The following SCN9A variants were observed in gnomAD, a reference collection of about 807,000 sequenced individuals.
SCN9A encodes sodium voltage-gated channel alpha subunit 9.
Under a neutral mutation model 187.0 loss-of-function variants are expected in SCN9A, and 131 were observed. That is an observed-to-expected ratio of 0.70 (90% CI 0.61 to 0.81). The LOEUF (loss-of-function observed/expected upper bound fraction) is 0.81. Ranked by LOEUF, SCN9A falls within the 30% of genes least tolerant of loss-of-function variation. SCN9A has a pLI of 0.00. For synonymous variants in SCN9A, 809 were observed against 808.6 expected (o/e 1.00, Z -0.01); for missense variants, 2,252 against 2,396.6 (o/e 0.94, Z 1.26).
At chr2:166,342,696 T>C (rs914446950) in intron 1 of SCN9A, among the ~76,000 whole-genome samples, 1 of 152,200 alleles carries the variant, frequency 6.6e-6, no homozygotes, top group African/African-American at 2.4e-5. Context: ...GTGTAAAACA[T>C]ATGCATTTAA....
In SCN9A at chr2:166,280,508, A is replaced by T. The variant is rs200945460; in HGVS notation, c.2192T>A (p.Ile731Lys). The T allele has an allele frequency of 2.6e-4, 408 of 1,589,396 alleles. No individual in the cohort carries two copies. The highest frequency in any genetic ancestry group is 4.2e-4 in the Admixed American group (24 of 56,940). Residue 731 changes from isoleucine to lysine, a missense_variant, in exon 14 of 27, where the codon ATA (isoleucine) becomes AAA (lysine). Around this residue, in one of 7 missense-constraint regions of SCN9A, gnomAD observed 1,013 missense variants for 997.4 expected, o/e 1.02. Coordinates refer to ENST00000642356, the MANE Select transcript of SCN9A (RefSeq NM_001365536.1). ...AAAATAGATACACTTTTTGAATTTT[A>T]TCCAATATGGAGAGCAATTCCAGAT... Reference protein sequence around the residue: ...FLIWNCSPYWIKFKKCIYFIV... With the variant: ...FLIWNCSPYWKKFKKCIYFIV...
intron 1 of SCN9A, among the ~76,000 whole-genome samples, chr2:166,351,314 A>T (rs1384380306): frequency 6.6e-6 from 1 of 152,232 alleles, no homozygotes; most frequent in African/African-American, 2.4e-5. Flanking sequence ...TATGAACTGC[A>T]TACAACTTAT....
At chr2:166,355,674 GCAGTAA>G (rs1229170776) in intron 1 of SCN9A, among the ~76,000 whole-genome samples, 7 of 151,808 alleles carry the variant, frequency 4.6e-5, no homozygotes, top group Admixed American at 6.6e-5. Flanking sequence ...AAGGAATTAT[GCAGTAA>G]CTTTAACATT....
rs376529993 is a variant in SCN9A at position 166,370,741 on chromosome 2, G to A, written c.-51+4956C>T. Among the ~76,000 whole-genome samples, 14 of 151,200 alleles carry A rather than the reference G, an allele frequency of 9.3e-5. No homozygotes were observed. In the East Asian group the frequency reaches 1.4e-3, roughly 15 times the overall value. On this transcript the variant is annotated intron_variant, in intron 1 of 26. Coordinates refer to ENST00000642356, the MANE Select transcript of SCN9A (RefSeq NM_001365536.1). ...TTCCAATTATTTGTACTAATAGTTTGACCTAAAAGTGGAGTAAAATTTGCC... is the reference window on the plus strand; with the variant it reads ...TTCCAATTATTTGTACTAATAGTTTAACCTAAAAGTGGAGTAAAATTTGCC...
intron 21 of SCN9A, among the ~76,000 whole-genome samples, 192 bp from the exon 22 acceptor site, chr2:166,229,164 A>T (rs1694977332): frequency 6.6e-6 from 1 of 152,192 alleles, no homozygotes; most frequent in Admixed American, 6.5e-5. Context: ...GCAAGACAAA[A>T]TAAGACATGA....
intron 26 of SCN9A, among the ~76,000 whole-genome samples, chr2:166,201,967 G>C (rs1693558228): frequency 6.6e-6 from 1 of 151,380 alleles, no homozygotes; most frequent in African/African-American, 2.4e-5. Flanking sequence ...ATCCTTATTG[G>C]TTGTTTTTAA....
chr2:166,272,606 T>C lies in SCN9A; in HGVS notation c.3144A>G (p.Lys1048=), dbSNP rs996237456. Reference sequence around the variant, plus strand: ...CTTTTTCCTTGAGGAAATTGTGACCTTTGCTCATTTCAGCAAGTGTATGGT... The same window carrying C: ...CTTTTTCCTTGAGGAAATTGTGACCCTTGCTCATTTCAGCAAGTGTATGGT... ...ISNHTLAEMS[K]GHNFLKEKDK... Residue 1048 remains lysine (K), a synonymous_variant, in exon 17 of 27, where the codon AAA becomes AAG. Coordinates refer to ENST00000642356, the MANE Select transcript of SCN9A (RefSeq NM_001365536.1). 1 of 1,613,484 alleles carries C rather than the reference T, an allele frequency of 6.2e-7. No individual in the cohort carries two copies. Among genetic ancestry groups the C allele is most frequent in the Non-Finnish European group, 8.5e-7 (1 of 1,179,728 alleles).
intron 21 of SCN9A, among the ~76,000 whole-genome samples, chr2:166,231,548 CTTTT>C (rs57067738): frequency 2.0e-5 from 2 of 99,066 alleles, no homozygotes; most frequent in Non-Finnish European, 3.6e-5. Context: ...CAAGAATTTG[CTTTT>C]TTTTTTTTTT....
chr2:166,308,330 G>C (rs562989702), intron 2 of SCN9A, among the ~76,000 whole-genome samples: 1 of 152,044 alleles, frequency 6.6e-6, no homozygotes, highest in Non-Finnish European at 1.5e-5. Context: ...TAATCCCCAC[G>C]TCTCAGGGGA....
intron 24 of SCN9A, among the ~76,000 whole-genome samples, chr2:166,211,899 G>A (rs1694112299): frequency 6.6e-6 from 1 of 151,958 alleles, no homozygotes; most frequent in South Asian, 2.1e-4. Flanking sequence ...TTAACAAAAA[G>A]GCAATAGTAA....
intron 18 of SCN9A, among the ~76,000 whole-genome samples, chr2:166,247,174 A>T (rs1695827786): frequency 6.7e-6 from 1 of 150,046 alleles, no homozygotes; most frequent in South Asian, 2.1e-4. Context: ...AAAAAAAAAA[A>T]AAAAAGGAAA....
chr2:166,240,421 T>C (rs1188588745), intron 19 of SCN9A, among the ~76,000 whole-genome samples: 1 of 152,222 alleles, frequency 6.6e-6, no homozygotes, highest in Admixed American at 6.5e-5. Context: ...CTTTCCCTTT[T>C]CTTCCTCATA....
intron 1 of SCN9A, among the ~76,000 whole-genome samples, chr2:166,333,558 G>A (rs1699558349): frequency 6.6e-6 from 1 of 152,014 alleles, no homozygotes; most frequent in South Asian, 2.1e-4. Context: ...CTGGACTTCT[G>A]AACATGTATT....
rs536238997 is a variant in SCN9A, at chr2:166,256,338, C to CT, written c.3352-4454dup. On this transcript the variant is annotated intron_variant, in intron 17 of 26. Coordinates refer to ENST00000642356, the MANE Select transcript of SCN9A (RefSeq NM_001365536.1). ...CTGGGCCCCTTGAGGTCTCTACAAT[C>CT]TTTTTTTTTTGATATGAAATTTCTC... is the stretch of plus-strand genomic sequence containing the variant. Among the ~76,000 whole-genome samples the CT allele has an allele frequency of 7.8e-3, 1,143 of 147,286 alleles. 6 individuals are homozygous for CT. Among genetic ancestry groups the CT allele is most frequent in the South Asian group, 0.019 (88 of 4,658 alleles).
At chr2:166,231,548 C>CTTTTTTTTTT (rs57067738) in intron 21 of SCN9A, among the ~76,000 whole-genome samples, 1 of 99,066 alleles carries the variant, frequency 1.0e-5, no homozygotes, top group African/African-American at 4.1e-5. Context: ...CAAGAATTTG[C>CTTTTTTTTTT]TTTTTTTTTT....
intron 7 of SCN9A, among the ~76,000 whole-genome samples, chr2:166,299,399 A>G (rs904516667): frequency 6.6e-6 from 1 of 150,850 alleles, no homozygotes; most frequent in Non-Finnish European, 1.5e-5. Context: ...CTTCCCTGTT[A>G]CTTAACCTAA....
At chr2:166,222,707 C>T (rs1216082625) in intron 24 of SCN9A, among the ~76,000 whole-genome samples, 2 of 139,792 alleles carry the variant, frequency 1.4e-5, no homozygotes, top group African/African-American at 3.0e-5. Flanking sequence ...CCGAGACGGG[C>T]GGATCACGAG....
At chr2:166,298,209 T>C (rs1049850087) in intron 7 of SCN9A, among the ~76,000 whole-genome samples, 14 of 152,350 alleles carry the variant, frequency 9.2e-5, no homozygotes, top group African/African-American at 3.4e-4. Context: ...GGAAAATTCC[T>C]GTTAGTAGTG....
intron 1 of SCN9A, among the ~76,000 whole-genome samples, chr2:166,334,666 A>G (rs544544030): frequency 5.9e-5 from 9 of 152,278 alleles, no homozygotes; most frequent in African/African-American, 1.9e-4. Flanking sequence ...ATTCATGGCT[A>G]TGCCATAAAA....
Sources: gnomAD v4.1 joint callset for allele counts (sites outside exome capture counted in the v4.1 genomes callset) on GRCh38, gnomAD v4.1.1 for gene constraint, gnomAD v4.1.1 regional missense constraint, MANE v1.5 for transcripts, NCBI Gene and HGNC (gene_info 2026-07-23, HGNC 2026-07-21) for gene names.